TRAPPC9: variants seen among roughly 807,000 people sequenced by gnomAD.
The protein encoded by TRAPPC9 is IKK2 binding protein.
Under a neutral mutation model 124.0 loss-of-function variants are expected in TRAPPC9, and 83 were observed. The ratio of observed to expected loss-of-function variants is 0.67; its 90% CI spans 0.56 to 0.80. The LOEUF is 0.80. Ranked by LOEUF, TRAPPC9 falls within the 30% of genes least tolerant of loss-of-function variation. TRAPPC9 has a pLI of 0.00. For synonymous variants in TRAPPC9, 638 were observed against 617.5 expected (o/e 1.03, Z -0.49); for missense variants, 1,302 against 1,508.3 (o/e 0.86, Z 2.27).
intron 1 of TRAPPC9, among the ~76,000 whole-genome samples, chr8:140,455,490 G>A (rs942247629): frequency 4.6e-5 from 7 of 151,406 alleles, no homozygotes; most frequent in African/African-American, 1.7e-4. Context: ...GAAAGCAGTG[G>A]CGCGATCTCG....
At chr8:140,228,685 C>T (rs889974958) in intron 16 of TRAPPC9, among the ~76,000 whole-genome samples, 3 of 152,194 alleles carry the variant, frequency 2.0e-5, no homozygotes, top group African/African-American at 7.2e-5. Context: ...ACCAGCTGAA[C>T]ACGTGAAATG....
At chr8:140,270,826 C>G (rs2064854526) in intron 15 of TRAPPC9, among the ~76,000 whole-genome samples, 1 of 152,216 alleles carries the variant, frequency 6.6e-6, no homozygotes, top group Admixed American at 6.5e-5. Context: ...GCGACTCCAG[C>G]TGAAGAGGAG....
rs190426759 is a variant in TRAPPC9, at chr8:139,937,781, C to T, written c.2811-27481G>A. On this transcript the variant is annotated intron_variant, in intron 19 of 22. Transcript: ENST00000438773. ...TCACGTATTATTACCGCTGCCGCCA[C>T]GGTTTCTAATCGCGTTAAACATGGG... Among the ~76,000 whole-genome samples the T allele has an allele frequency of 4.6e-3, 701 of 152,314 alleles. 4 individuals are homozygous for T. The highest frequency in any genetic ancestry group is 7.4e-3 in the Non-Finnish European group (503 of 68,034).
At chr8:140,081,284 A>T (rs1431997827) in intron 17 of TRAPPC9, among the ~76,000 whole-genome samples, 1 of 151,612 alleles carries the variant, frequency 6.6e-6, no homozygotes, top group Non-Finnish European at 1.5e-5. Context: ...GATGGCTCCA[A>T]TGTCTTCTCT....
chr8:139,803,172 T>C (rs1480535253), intron 21 of TRAPPC9, among the ~76,000 whole-genome samples: 1 of 151,954 alleles, frequency 6.6e-6, no homozygotes, highest in Non-Finnish European at 1.5e-5. Context: ...TGTGTGCGCG[T>C]TGTGTATGTC....
intron 21 of TRAPPC9, among the ~76,000 whole-genome samples, chr8:139,792,856 T>C (rs1405600271): frequency 2.0e-5 from 3 of 152,172 alleles, no homozygotes; most frequent in Non-Finnish European, 4.4e-5. Context: ...CAACAGCAGT[T>C]GGAAAAAACA....
chr8:140,057,826 G>A (rs1587612056), intron 17 of TRAPPC9, among the ~76,000 whole-genome samples: 1 of 152,124 alleles, frequency 6.6e-6, no homozygotes, highest in Non-Finnish European at 1.5e-5. Context: ...CCATCTCAAG[G>A]TTACATGTTC....
chr8:140,458,536 G>A (rs1311090510), upstream of TRAPPC9: 1 of 1,582,086 alleles, frequency 6.3e-7, no homozygotes, highest in Non-Finnish European at 8.6e-7. Flanking sequence ...CCTGTGTGGC[G>A]CGCGGTCTTG....
At chr8:139,919,875 T>C (rs1832401400) in intron 19 of TRAPPC9, among the ~76,000 whole-genome samples, 1 of 152,190 alleles carries the variant, frequency 6.6e-6, no homozygotes, top group Admixed American at 6.5e-5. Context: ...TTACCCTTCA[T>C]GACCCGCTCA....
chr8:139,883,454 C>T (rs893574667), intron 21 of TRAPPC9, among the ~76,000 whole-genome samples: 2 of 152,250 alleles, frequency 1.3e-5, no homozygotes, highest in African/African-American at 4.8e-5. Context: ...TGAGCCTAGC[C>T]TAGAGCCTTC....
At chr8:139,947,193 G>C (rs112101316) in intron 19 of TRAPPC9, among the ~76,000 whole-genome samples, 1,933 of 152,268 alleles carry the variant, frequency 0.013, 38 homozygotes, top group African/African-American at 0.044. Context: ...ATAGGGAACA[G>C]AGGAAATGAA....
At position 140,014,803 on chromosome 8, in the gene TRAPPC9, C is replaced by T. The variant is rs752181118; in HGVS notation, c.2699+9134G>A. Among the ~76,000 whole-genome samples the T allele has an allele frequency of 5.3e-5, 8 of 152,142 alleles. No homozygotes were observed. The South Asian group carries it at 6.2e-4, about 12-fold the overall frequency. ...ACAGGACAAGGTGAGGAATGTAACA[C>T]CCCCAGATAGGAATGCCAATGTCAG... On this transcript the variant is annotated intron_variant, in intron 18 of 22. Transcript: ENST00000438773.
In TRAPPC9 at chr8:140,427,360, CTATA is replaced by C. The variant is rs199787407; in HGVS notation, c.860-723_860-720del. Among the ~76,000 whole-genome samples the C allele has an allele frequency of 2.7e-5, 4 of 146,978 alleles. No homozygotes were observed. In the East Asian group the frequency reaches 9.1e-4, roughly 33 times the overall value. ...CACAACCCCCCTAAAATACATCTCT[CTATA>C]TATATATCTCTCTCTCACACACACA... On this transcript the variant is annotated intron_variant, in intron 4 of 22. Transcript: ENST00000438773.
intron 21 of TRAPPC9, among the ~76,000 whole-genome samples, chr8:139,865,644 G>A (rs1379354230): frequency 1.3e-5 from 2 of 152,120 alleles, no homozygotes; most frequent in Non-Finnish European, 2.9e-5. Flanking sequence ...AAAAGGCAGG[G>A]ACCTAAGGTC....
chr8:140,016,886 T>C (rs1839499847), intron 18 of TRAPPC9, among the ~76,000 whole-genome samples: 1 of 152,250 alleles, frequency 6.6e-6, no homozygotes, highest in Non-Finnish European at 1.5e-5. Context: ...CTAAAGTGGC[T>C]GCACCAGTTT....
At chr8:140,330,201 TCCAGC>T (rs1435066120) in intron 9 of TRAPPC9, among the ~76,000 whole-genome samples, 1 of 151,480 alleles carries the variant, frequency 6.6e-6, no homozygotes, top group Admixed American at 6.6e-5. Context: ...CTCCAACATG[TCCAGC>T]AAGTTAAGCA....
At chr8:140,339,386 C>T (rs1232283440) in intron 9 of TRAPPC9, among the ~76,000 whole-genome samples, 5 of 152,198 alleles carry the variant, frequency 3.3e-5, no homozygotes, top group Admixed American at 6.5e-5. Context: ...AAATACTAAT[C>T]GGCTTGAAAT....
intron 19 of TRAPPC9, among the ~76,000 whole-genome samples, chr8:139,959,499 C>G (rs1015968166): frequency 2.0e-5 from 3 of 152,152 alleles, no homozygotes; most frequent in Admixed American, 6.5e-5. Context: ...GAAGCTGAGC[C>G]GTGGACCTTG....
chr8:139,877,248 G>A (rs949149636), intron 21 of TRAPPC9, among the ~76,000 whole-genome samples: 1 of 152,254 alleles, frequency 6.6e-6, no homozygotes, highest in African/African-American at 2.4e-5. Context: ...GGGTGGCACA[G>A]TCGTGGGACA....
Sources: allele counts gnomAD v4.1 joint callset (sites outside exome capture counted in the v4.1 genomes callset), GRCh38; gene constraint gnomAD v4.1.1; transcripts MANE v1.5; gene names NCBI Gene and HGNC (gene_info 2026-07-23, HGNC 2026-07-21).